SYT16: variants seen among roughly 807,000 people sequenced by gnomAD.
SYT16 encodes synaptotagmin-16.
A neutral mutation model predicts 61.4 loss-of-function variants in SYT16; 42 were observed. The ratio of observed to expected loss-of-function variants is 0.68; its 90% CI spans 0.53 to 0.89. The LOEUF is 0.89. Among genes scored for constraint, SYT16 ranks in the 40% least tolerant of loss-of-function variants. The pLI is 0.00. For synonymous variants in SYT16, 314 were observed against 302.3 expected (o/e 1.04, Z -0.40); for missense variants, 804 against 807.3 (o/e 1.00, Z 0.05).
At chr14:61,882,125 C>T (rs1004617925) in intron 1 of SYT16, among the ~76,000 whole-genome samples, 3 of 152,072 alleles carry the variant, frequency 2.0e-5, no homozygotes, top group Non-Finnish European at 4.4e-5. Flanking sequence ...CAAAGTGATC[C>T]TTTTAAAAAT....
intron 3 of SYT16, among the ~76,000 whole-genome samples, chr14:62,027,152 G>A (rs2054132675): frequency 1.3e-5 from 2 of 152,042 alleles, no homozygotes; most frequent in African/African-American, 2.4e-5. Flanking sequence ...ATTAAAAATA[G>A]GTGGGAAAAT....
In SYT16 at chr14:62,105,463, T is replaced by A. The variant is rs1290886760; in HGVS notation, c.*4756T>A. ...TTTATATCCTGATAGCCAAACATTT[T>A]AAAATACTCTAATAACACAGCTCTC... On this transcript the variant is annotated 3_prime_UTR_variant, in exon 8 of 8. Transcript: ENST00000683842. 1 of 152,234 alleles carries A rather than the reference T, an allele frequency of 6.6e-6. No homozygotes were observed. Among genetic ancestry groups the A allele is most frequent in the Non-Finnish European group, 1.5e-5 (1 of 68,042 alleles). 9.4% of individuals were successfully genotyped at this position (152,234 alleles called of 1,614,324 possible).
chr14:61,831,016 CT>C (rs2045921184), intron 1 of SYT16, among the ~76,000 whole-genome samples: 1 of 152,240 alleles, frequency 6.6e-6, no homozygotes, highest in South Asian at 2.1e-4. Context: ...GCACTGTCCT[CT>C]TCCACGTCCT....
At chr14:61,843,902 C>A (rs966713299) in intron 1 of SYT16, among the ~76,000 whole-genome samples, 8 of 152,050 alleles carry the variant, frequency 5.3e-5, no homozygotes, top group African/African-American at 1.9e-4. Flanking sequence ...TTTGAGGTTC[C>A]ATATAAATTT....
At chr14:61,998,387 A>G (rs1332302524) in intron 3 of SYT16, among the ~76,000 whole-genome samples, 1 of 151,942 alleles carries the variant, frequency 6.6e-6, no homozygotes, top group Non-Finnish European at 1.5e-5. Context: ...CTGTGTGGAT[A>G]CATTTTTAGC....
chr14:61,908,777 C>T (rs1267282440), intron 1 of SYT16, among the ~76,000 whole-genome samples: 1 of 152,150 alleles, frequency 6.6e-6, no homozygotes, highest in African/African-American at 2.4e-5. Flanking sequence ...CATCTGGTGG[C>T]TGTGGCTCAA....
intron 3 of SYT16, among the ~76,000 whole-genome samples, chr14:62,039,762 T>G (rs747987783): frequency 6.6e-6 from 1 of 151,688 alleles, no homozygotes; most frequent in Non-Finnish European, 1.5e-5. Context: ...TCTAATACTT[T>G]TGCACTTCAC....
intron 1 of SYT16, among the ~76,000 whole-genome samples, chr14:61,821,600 A>G (rs1022338622): frequency 5.9e-5 from 9 of 152,190 alleles, no homozygotes; most frequent in Admixed American, 3.3e-4. Flanking sequence ...GCTACCCTCA[A>G]TTTCCTTCTA....
chr14:61,862,030 AAC>A lies in SYT16; in HGVS notation c.-325+49228_-325+49229del, dbSNP rs201387114. ...CTACAAACTTTCAATTTGTAAAAAAAACACACACAATATCTGCAAATCACAAT... is the reference window on the plus strand; with the variant it reads ...CTACAAACTTTCAATTTGTAAAAAAAACACACAATATCTGCAAATCACAAT... On this transcript the variant is annotated intron_variant, in intron 1 of 7. Coordinates refer to ENST00000683842, the MANE Select transcript of SYT16 (RefSeq NM_001367656.1). Among the ~76,000 whole-genome samples the A allele has an allele frequency of 8.1e-3, 1,236 of 152,360 alleles. 13 individuals carry two copies. Among genetic ancestry groups the A allele is most frequent in the Non-Finnish European group, 0.013 (879 of 68,038 alleles).
intron 1 of SYT16, among the ~76,000 whole-genome samples, chr14:61,865,815 A>G (rs1260465689): frequency 2.0e-5 from 3 of 152,044 alleles, no homozygotes; most frequent in Non-Finnish European, 4.4e-5. Flanking sequence ...AGGATTTTGT[A>G]TTTAAGCTGC....
At chr14:61,827,986 A>C (rs2045823937) in intron 1 of SYT16, among the ~76,000 whole-genome samples, 1 of 152,202 alleles carries the variant, frequency 6.6e-6, no homozygotes, top group Non-Finnish European at 1.5e-5. Flanking sequence ...TAAATAGGTA[A>C]TTCAGTTAAA....
chr14:61,923,267 C>T (rs1203401471), intron 1 of SYT16, among the ~76,000 whole-genome samples: 2 of 152,112 alleles, frequency 1.3e-5, no homozygotes, highest in African/African-American at 4.8e-5. Context: ...TCTCTCTCTA[C>T]CTTTTTTAGC....
intron 3 of SYT16, among the ~76,000 whole-genome samples, chr14:61,998,776 T>C (rs1325143207): frequency 1.3e-5 from 2 of 151,926 alleles, no homozygotes; most frequent in Non-Finnish European, 2.9e-5. Context: ...TTCTCTATTA[T>C]CCTCAGTAGT....
intron 1 of SYT16, among the ~76,000 whole-genome samples, chr14:61,915,493 G>A (rs1360158135): frequency 1.3e-5 from 2 of 152,028 alleles, no homozygotes; most frequent in Admixed American, 1.3e-4. Context: ...ACAAGTTTAG[G>A]ACAACTTTTT....
At chr14:61,966,980 G>C (rs1254169367) in intron 1 of SYT16, among the ~76,000 whole-genome samples, 1 of 152,204 alleles carries the variant, frequency 6.6e-6, no homozygotes, top group East Asian at 1.9e-4. Flanking sequence ...CATAGTCCCT[G>C]TTCTTATAAA....
intron 1 of SYT16, among the ~76,000 whole-genome samples, chr14:61,881,074 C>T (rs2047681239): frequency 6.6e-6 from 1 of 152,162 alleles, no homozygotes; most frequent in South Asian, 2.1e-4. Context: ...CTGGTGCTCT[C>T]TTCCATCACT....
intron 3 of SYT16, among the ~76,000 whole-genome samples, chr14:62,043,050 A>G (rs2054801364): frequency 6.7e-6 from 1 of 149,460 alleles, no homozygotes; most frequent in Admixed American, 6.6e-5. Context: ...CAGAAACAGA[A>G]GTGTCCTTGA....
chr14:61,892,070 T>TTCCTTTTC (rs1248016908), intron 1 of SYT16, among the ~76,000 whole-genome samples: 1 of 151,954 alleles, frequency 6.6e-6, no homozygotes, highest in African/African-American at 2.4e-5. Flanking sequence ...CCTCCTTCCC[T>TTCCTTTTC]TCCTTTTCTC....
rs764397012 is a variant in SYT16 at position 61,996,394 on chromosome 14, T to G, written c.375T>G (p.Asn125Lys). The change falls in exon 3 of 8, where the codon AAT (asparagine) becomes AAG (lysine). Residue 125 changes from asparagine (N) to lysine (K), a missense_variant. Coordinates refer to ENST00000683842, the MANE Select transcript of SYT16 (RefSeq NM_001367656.1). ...DSCSTMSQWP[N>K]WASDDRKLPH... ...GTTCCACAATGTCCCAGTGGCCCAATTGGGCCAGTGATGACCGCAAGTTAC... is the reference window on the plus strand; with the variant it reads ...GTTCCACAATGTCCCAGTGGCCCAAGTGGGCCAGTGATGACCGCAAGTTAC... 1 of 1,613,504 alleles carries G rather than the reference T, an allele frequency of 6.2e-7. No individual in the cohort carries two copies. Among genetic ancestry groups the G allele is most frequent in the South Asian group, 1.1e-5 (1 of 91,060 alleles).
Sources: gnomAD v4.1 joint callset for allele counts (sites outside exome capture counted in the v4.1 genomes callset) on GRCh38, gnomAD v4.1.1 for gene constraint, MANE v1.5 for transcripts, NCBI Gene and HGNC (gene_info 2026-07-23, HGNC 2026-07-21) for gene names.